Variants in CBLN2 observed in about 807,000 individuals in gnomAD.
CBLN2 encodes cerebellin-2.
CBLN2 carries 7 observed loss-of-function variants against 15.0 expected under a neutral mutation model. That is an observed-to-expected ratio of 0.47 (90% CI 0.27 to 0.88). The LOEUF is 0.88. Ranked by LOEUF, CBLN2 falls within the 40% of genes least tolerant of loss-of-function variation. The pLI, the probability that CBLN2 is intolerant of heterozygous loss-of-function variation, is 0.14. For missense variants in CBLN2, 242 were observed against 304.5 expected, an observed-to-expected ratio of 0.79 and a Z score of 1.53; for synonymous variants, 149 against 135.2, an observed-to-expected ratio of 1.10 and a Z score of -0.71.
intron 1 of CBLN2, among the ~76,000 whole-genome samples, chr18:72,560,933 C>T (rs988994205): frequency 6.6e-6 from 1 of 151,986 alleles, no homozygotes; most frequent in Non-Finnish European, 1.5e-5. Flanking sequence ...GGTGTGAACC[C>T]AGGAGGTAGA....
chr18:72,606,276 C>T (rs1002596637), intron 1 of CBLN2, among the ~76,000 whole-genome samples: 3 of 152,172 alleles, frequency 2.0e-5, no homozygotes, highest in African/African-American at 7.2e-5. Flanking sequence ...AATAGCTCTC[C>T]AAAGCCACTG....
chr18:72,554,088 T>C lies in CBLN2; in HGVS notation c.16-15316A>G, dbSNP rs186285256. On this transcript the variant is annotated intron_variant, in intron 1 of 2. Coordinates refer to the CBLN2 transcript ENST00000581073. ...ACGAATCACATAATCTCTTCTATAA[T>C]TTATTTTTCATAATCCTTAGAGTGT... Among the ~76,000 whole-genome samples the C allele has an allele frequency of 1.4e-4, 22 of 152,328 alleles. No homozygotes were observed. The East Asian group carries it at 3.7e-3, about 25-fold the overall frequency.
At chr18:72,604,077 CT>C (rs1295069943) in intron 1 of CBLN2, among the ~76,000 whole-genome samples, 1 of 152,168 alleles carries the variant, frequency 6.6e-6, no homozygotes, top group Non-Finnish European at 1.5e-5. Flanking sequence ...GGAGACAGTA[CT>C]TCTCAAAAGG....
At chr18:72,586,524 A>T (rs576727974) in intron 1 of CBLN2, among the ~76,000 whole-genome samples, 2 of 152,290 alleles carry the variant, frequency 1.3e-5, no homozygotes, top group South Asian at 4.1e-4. Context: ...TTTCTCAAAG[A>T]ATCACTGAAA....
chr18:72,577,707 C>G (rs911347665), intron 1 of CBLN2, among the ~76,000 whole-genome samples: 1 of 152,190 alleles, frequency 6.6e-6, no homozygotes, highest in South Asian at 2.1e-4. Flanking sequence ...TTATTTCTAA[C>G]GTGCTTTGGT....
intron 1 of CBLN2, among the ~76,000 whole-genome samples, chr18:72,629,791 A>C (rs907443522): frequency 4.6e-5 from 7 of 152,196 alleles, no homozygotes; most frequent in Non-Finnish European, 5.9e-5. Context: ...AAAGAACAGA[A>C]AAGACAATGT....
intron 1 of CBLN2, among the ~76,000 whole-genome samples, chr18:72,614,128 C>G (rs1164341565): frequency 6.6e-6 from 1 of 152,156 alleles, no homozygotes; most frequent in Non-Finnish European, 1.5e-5. Context: ...GAACATTCAC[C>G]TGAGTCAGCT....
At chr18:72,572,507 T>A (rs1259586064) in intron 1 of CBLN2, among the ~76,000 whole-genome samples, 1 of 152,188 alleles carries the variant, frequency 6.6e-6, no homozygotes, top group Non-Finnish European at 1.5e-5. Flanking sequence ...TGTCCATTTA[T>A]CTCTCCTGTT....
At chr18:72,547,794 G>A (rs1367996), upstream of CBLN2, among the ~76,000 whole-genome samples, 86,756 of 152,062 alleles carry the variant, frequency 0.57, 29,884 homozygotes, top group Non-Finnish European at 0.78. Context: ...GTGTTCTCCC[G>A]TAGAAATAAA....
At chr18:72,553,518 C>T (rs934021265) in intron 1 of CBLN2, among the ~76,000 whole-genome samples, 3 of 151,884 alleles carry the variant, frequency 2.0e-5, no homozygotes, top group Non-Finnish European at 2.9e-5. Flanking sequence ...ACAGATTATA[C>T]GTGTACATAT....
intron 1 of CBLN2, among the ~76,000 whole-genome samples, chr18:72,615,177 TTA>T (rs1266412625): frequency 2.4e-4 from 32 of 131,498 alleles, no homozygotes; most frequent in Admixed American, 1.1e-3. Flanking sequence ...AAATATATAT[TTA>T]TATATTATAT....
intron 1 of CBLN2, among the ~76,000 whole-genome samples, chr18:72,625,812 C>CTATATATATATATA (rs1356605655): frequency 1.4e-5 from 1 of 69,068 alleles, no homozygotes; most frequent in Non-Finnish European, 2.9e-5. Context: ...CTCTCTCTCT[C>CTATATATATATATA]TCTCTCTATA....
intron 1 of CBLN2, among the ~76,000 whole-genome samples, chr18:72,629,973 G>A (rs1014868080): frequency 2.0e-5 from 3 of 152,108 alleles, no homozygotes; most frequent in Non-Finnish European, 4.4e-5. Context: ...AGATACCAAA[G>A]TGGAAGTTAT....
rs375146757 is a variant in CBLN2 at position 72,555,176 on chromosome 18, G to GA, written c.16-16405dup. On this transcript the variant is annotated intron_variant, in intron 1 of 2. Coordinates refer to the CBLN2 transcript ENST00000581073. ...AAACACAGAGAGAGAGAGAGAGAGG[G>GA]AAAAAAAAGCAAATAACTGAAGGCA... is the stretch of plus-strand genomic sequence containing the variant. 6.5e-4 allele frequency among the ~76,000 whole-genome samples: 98 copies of GA among 150,950 alleles called. 1 individual carries two copies. The South Asian group carries it at 7.2e-3, about 11-fold the overall frequency.
At chr18:72,569,113 G>T (rs917729991) in intron 1 of CBLN2, among the ~76,000 whole-genome samples, 3 of 152,080 alleles carry the variant, frequency 2.0e-5, no homozygotes, top group African/African-American at 7.2e-5. Context: ...CACCGGAGTC[G>T]TTACCACAGG....
intron 1 of CBLN2, among the ~76,000 whole-genome samples, chr18:72,553,889 A>G (rs2069207325): frequency 6.6e-6 from 1 of 152,182 alleles, no homozygotes; most frequent in South Asian, 2.1e-4. Flanking sequence ...AATTCGAAAC[A>G]TTTGGCTAAA....
intron 1 of CBLN2, among the ~76,000 whole-genome samples, chr18:72,551,926 T>C (rs2069194227): frequency 6.6e-6 from 1 of 152,156 alleles, no homozygotes; most frequent in Non-Finnish European, 1.5e-5. Flanking sequence ...AGATTGTACA[T>C]TTGTGTTGAC....
At chr18:72,603,100 T>G (rs1024361457) in intron 1 of CBLN2, among the ~76,000 whole-genome samples, 1 of 152,272 alleles carries the variant, frequency 6.6e-6, no homozygotes, top group Non-Finnish European at 1.5e-5. Flanking sequence ...GTATATGCCA[T>G]GCCGCAAGGC....
At chr18:72,610,611 C>T (rs560943370) in intron 1 of CBLN2, among the ~76,000 whole-genome samples, 1 of 152,286 alleles carries the variant, frequency 6.6e-6, no homozygotes, top group South Asian at 2.1e-4. Context: ...CTCATAAATG[C>T]TTCAGAATGT....
Sources: allele counts gnomAD v4.1 joint callset (sites outside exome capture counted in the v4.1 genomes callset), GRCh38; gene constraint gnomAD v4.1.1; transcripts MANE v1.5; gene names NCBI Gene and HGNC (gene_info 2026-07-23, HGNC 2026-07-21).